The following CTNNA2 variants were observed in gnomAD, a reference collection of about 807,000 sequenced individuals.
CTNNA2 encodes the protein catenin alpha 2.
In CTNNA2, 42 loss-of-function variants were observed where a neutral mutation model predicts 101.0. The observed-to-expected ratio is 0.42, with a 90% confidence interval of 0.32 to 0.54. The LOEUF (loss-of-function observed/expected upper bound fraction) is 0.54. Ranked by LOEUF, CTNNA2 falls within the 20% of genes least tolerant of loss-of-function variation. The probability of loss-of-function intolerance (pLI) is 0.14; values close to 1 mark genes in which losing one functional copy is unlikely to be tolerated. For missense variants in CTNNA2, 871 were observed against 1,223.1 expected, an observed-to-expected ratio of 0.71 and a Z score of 4.29; for synonymous variants, 450 against 456.4, an observed-to-expected ratio of 0.99 and a Z score of 0.18.
At chr2:79,846,515 A>G (rs1293161382) in intron 3 of CTNNA2, among the ~76,000 whole-genome samples, 2 of 152,230 alleles carry the variant, frequency 1.3e-5, no homozygotes, top group East Asian at 1.9e-4. Context: ...ATACATACAC[A>G]TAAGTGGAGT....
intron 12 of CTNNA2, among the ~76,000 whole-genome samples, chr2:80,559,447 G>GT (rs1693351150): frequency 1.3e-5 from 2 of 152,058 alleles, no homozygotes. Context: ...AAATTGAGAG[G>GT]TGCCCAAAGA....
chr2:79,984,617 T>C (rs1691632662), intron 7 of CTNNA2, among the ~76,000 whole-genome samples: 1 of 152,222 alleles, frequency 6.6e-6, no homozygotes, highest in Non-Finnish European at 1.5e-5. Flanking sequence ...CCTTAGTTTG[T>C]AGAACTTCCA....
intron 3 of CTNNA2, among the ~76,000 whole-genome samples, chr2:79,805,524 A>G (rs1470609765): frequency 6.6e-6 from 1 of 152,154 alleles, no homozygotes; most frequent in Non-Finnish European, 1.5e-5. Flanking sequence ...TTTATGGATT[A>G]GGCATGCTCA....
chr2:80,109,408 C>T (rs974484913), intron 7 of CTNNA2, among the ~76,000 whole-genome samples: 38 of 152,170 alleles, frequency 2.5e-4, no homozygotes, highest in Admixed American at 5.2e-4. Context: ...TTGCAGTGAG[C>T]GGAGATTGCA....
intron 3 of CTNNA2, among the ~76,000 whole-genome samples, chr2:79,761,406 A>G (rs75935582): frequency 0.017 from 2,545 of 152,340 alleles, 53 homozygotes; most frequent in African/African-American, 0.056. Flanking sequence ...AACTAATGCT[A>G]TGTAAGTCAA....
intron 17 of CTNNA2, among the ~76,000 whole-genome samples, chr2:80,610,539 G>A (rs1209092993): frequency 6.6e-6 from 1 of 151,384 alleles, no homozygotes; most frequent in East Asian, 2.0e-4. Flanking sequence ...TATACACATG[G>A]GATTCAAAGC....
chr2:80,517,677 G>A (rs774337720), intron 9 of CTNNA2, among the ~76,000 whole-genome samples: 2 of 152,172 alleles, frequency 1.3e-5, no homozygotes, highest in South Asian at 2.1e-4. Flanking sequence ...GTCTAGAGCC[G>A]AGAGTAATAT....
At chr2:80,554,619 A>G (rs1239505908) in intron 11 of CTNNA2, among the ~76,000 whole-genome samples, 1 of 152,206 alleles carries the variant, frequency 6.6e-6, no homozygotes, top group Non-Finnish European at 1.5e-5. Context: ...TTATAAGGAC[A>G]CTAATTCCAT....
intron 9 of CTNNA2, among the ~76,000 whole-genome samples, chr2:80,495,720 C>T (rs1157624101): frequency 2.0e-5 from 3 of 152,056 alleles, no homozygotes; most frequent in African/African-American, 7.2e-5. Context: ...GGGCAGATTA[C>T]CTGAGGTCAG....
At chr2:79,902,457 C>T (rs1411299398) in intron 6 of CTNNA2, among the ~76,000 whole-genome samples, 1 of 151,990 alleles carries the variant, frequency 6.6e-6, no homozygotes, top group Non-Finnish European at 1.5e-5. Context: ...TATATGAAGG[C>T]GATAGATTTT....
At chr2:79,290,470 AT>A (rs2104375950) in intron 2 of CTNNA2, among the ~76,000 whole-genome samples, 1 of 152,200 alleles carries the variant, frequency 6.6e-6, no homozygotes, top group South Asian at 2.1e-4. Flanking sequence ...TTGTGCCCAA[AT>A]GTTGCATTTC....
intron 4 of CTNNA2, among the ~76,000 whole-genome samples, chr2:79,473,428 A>G (rs576506424): frequency 6.6e-6 from 1 of 152,108 alleles, no homozygotes; most frequent in Non-Finnish European, 1.5e-5. Context: ...TCTCTCTCAC[A>G]TGTACACACA....
chr2:79,207,186 T>C (rs977779183), intron 2 of CTNNA2, among the ~76,000 whole-genome samples: 1 of 152,176 alleles, frequency 6.6e-6, no homozygotes, highest in African/African-American at 2.4e-5. Context: ...AACTAGAATC[T>C]CAGCACTATA....
chr2:80,006,673 G>A (rs1016245592), intron 7 of CTNNA2, among the ~76,000 whole-genome samples: 2 of 152,160 alleles, frequency 1.3e-5, no homozygotes, highest in Non-Finnish European at 2.9e-5. Context: ...TCTAACAGGA[G>A]AGTTTCCAGG....
At chr2:79,600,489 T>G (rs760266200) in intron 1 of CTNNA2, among the ~76,000 whole-genome samples, 21 of 152,110 alleles carry the variant, frequency 1.4e-4, no homozygotes, top group Non-Finnish European at 2.8e-4. Flanking sequence ...CCCTTGGTTG[T>G]TAAAAGCAGA....
At chr2:79,397,531 A>T (rs1260168579) in intron 4 of CTNNA2, among the ~76,000 whole-genome samples, 1 of 152,092 alleles carries the variant, frequency 6.6e-6, no homozygotes, top group Non-Finnish European at 1.5e-5. Context: ...TCATCCTTTC[A>T]AATCTGAGCA....
intron 3 of CTNNA2, among the ~76,000 whole-genome samples, chr2:79,761,275 G>A (rs1389532391): frequency 1.3e-5 from 2 of 152,062 alleles, no homozygotes; most frequent in Non-Finnish European, 1.5e-5. Context: ...GATTTAATGA[G>A]CTGTTGGCAT....
intron 7 of CTNNA2, among the ~76,000 whole-genome samples, chr2:80,153,487 T>C (rs1703825965): frequency 1.3e-5 from 2 of 152,310 alleles, no homozygotes; most frequent in South Asian, 2.1e-4. Flanking sequence ...ATGCCAGGCG[T>C]TGGCCTCGTT....
intron 1 of CTNNA2, among the ~76,000 whole-genome samples, chr2:79,577,024 A>G (rs931623938): frequency 7.2e-5 from 11 of 152,130 alleles, no homozygotes; most frequent in Admixed American, 6.6e-4. Context: ...AGCTTGTAAC[A>G]GTTCATTATT....
Sources: allele counts gnomAD v4.1 joint callset (sites outside exome capture counted in the v4.1 genomes callset), GRCh38; gene constraint gnomAD v4.1.1; transcripts MANE v1.5; gene names NCBI Gene and HGNC (gene_info 2026-07-23, HGNC 2026-07-21).